The following ITPRID1 variants were observed in gnomAD, a reference collection of about 807,000 sequenced individuals.
The protein encoded by ITPRID1 is ITPR interacting domain containing 1, also known as protein ITPRID1.
A neutral mutation model predicts 95.4 loss-of-function variants in ITPRID1; 96 were observed. The observed-to-expected ratio is 1.01, with a 90% CI of 0.85 to 1.19. The LOEUF (loss-of-function observed/expected upper bound fraction) is 1.19, where lower values mean the gene tolerates loss of function less well. Among genes scored for constraint, ITPRID1 ranks in the 50% most tolerant of loss-of-function variants. The probability of loss-of-function intolerance (pLI) is 0.00; values close to 1 mark genes in which losing one functional copy is unlikely to be tolerated. For synonymous variants in ITPRID1, 510 were observed against 453.6 expected, an observed-to-expected ratio of 1.12 and a Z score of -1.58; for missense variants, 1,339 against 1,252.9, an observed-to-expected ratio of 1.07 and a Z score of -1.04.
Position 31,652,993 on chromosome 7 carries a change from T to C in ITPRID1, c.*164T>C, listed in dbSNP as rs1408348030. ...AACCCAAGAGGAGTTTAGAATACTCTAATACTCATTCAGTATAGAATAACT... is the reference window on the plus strand; with the variant it reads ...AACCCAAGAGGAGTTTAGAATACTCCAATACTCATTCAGTATAGAATAACT... On this transcript the variant is annotated 3_prime_UTR_variant, in exon 15 of 15. Coordinates refer to ENST00000615280, the MANE Select transcript of ITPRID1 (RefSeq NM_001257967.3). 1.4e-6 allele frequency: 2 copies of C among 1,433,082 alleles called. No homozygotes were observed. Among genetic ancestry groups the C allele is most frequent in the African/African-American group, 2.9e-5 (2 of 69,646 alleles). The allele number at this position is 1,433,082 out of a possible 1,614,324, so 88.8% of individuals were successfully genotyped here. A position where few individuals can be genotyped will look rare whatever the true frequency, so the allele number is the denominator to read the frequency against.
intron 6 of ITPRID1, among the ~76,000 whole-genome samples, chr7:31,570,955 C>T (rs1225139824): frequency 1.3e-5 from 2 of 152,084 alleles, no homozygotes; most frequent in Non-Finnish European, 2.9e-5. Context: ...AGAGTTTTTA[C>T]TATCCAGAAA....
intron 10 of ITPRID1, among the ~76,000 whole-genome samples, chr7:31,625,714 T>G (rs1788397817): frequency 6.6e-6 from 1 of 152,126 alleles, no homozygotes; most frequent in Non-Finnish European, 1.5e-5. Context: ...ATGTCACATG[T>G]ATACATATGT....
At chr7:31,636,502 G>C (rs2128202070) in intron 10 of ITPRID1, among the ~76,000 whole-genome samples, 1 of 152,194 alleles carries the variant, frequency 6.6e-6, no homozygotes, top group African/African-American at 2.4e-5. Flanking sequence ...AAAACATATA[G>C]AAAAAGCAAT....
At position 31,538,140 on chromosome 7, in the gene ITPRID1, T is replaced by C. The variant is rs28451768; in HGVS notation, c.-97-11286T>C. On this transcript the variant is annotated intron_variant, in intron 1 of 14. Transcript: ENST00000615280. ...CTTTGAAAAAATATTTGAAGTAAAATTATTGGACATAAGGCTATACAATAA... is the reference window on the plus strand; with the variant it reads ...CTTTGAAAAAATATTTGAAGTAAAACTATTGGACATAAGGCTATACAATAA... Among the ~76,000 whole-genome samples the C allele has an allele frequency of 3.7e-3, 571 of 152,308 alleles. 5 individuals carry two copies. The highest frequency in any genetic ancestry group is 0.013 in the African/African-American group (554 of 41,564).
At chr7:31,613,379 C>G (rs1786970066) in intron 10 of ITPRID1, among the ~76,000 whole-genome samples, 1 of 152,016 alleles carries the variant, frequency 6.6e-6, no homozygotes, top group African/African-American at 2.4e-5. Flanking sequence ...TGCCAGCGTT[C>G]TTGTTGTTTT....
chr7:31,559,730 T>C (rs1255275617), intron 5 of ITPRID1, among the ~76,000 whole-genome samples: 1 of 152,182 alleles, frequency 6.6e-6, no homozygotes, highest in East Asian at 1.9e-4. Flanking sequence ...TAGGCAGCAT[T>C]ACTAGTATTT....
At chr7:31,564,786 C>A (rs959270400) in intron 5 of ITPRID1, among the ~76,000 whole-genome samples, 7 of 152,102 alleles carry the variant, frequency 4.6e-5, no homozygotes, top group Non-Finnish European at 8.8e-5. Flanking sequence ...GGGATAGCGA[C>A]GGCAGAAAAT....
chr7:31,650,628 A>T (rs1790863077), intron 12 of ITPRID1, among the ~76,000 whole-genome samples: 1 of 152,140 alleles, frequency 6.6e-6, no homozygotes, highest in Non-Finnish European at 1.5e-5. Flanking sequence ...GATCCTGCAG[A>T]TTCCAACCTC....
intron 1 of ITPRID1, among the ~76,000 whole-genome samples, chr7:31,544,660 A>G (rs1454038399): frequency 6.6e-6 from 1 of 152,142 alleles, no homozygotes; most frequent in African/African-American, 2.4e-5. Context: ...ATAGTTTGTA[A>G]GAACTATTGC....
intron 10 of ITPRID1, among the ~76,000 whole-genome samples, chr7:31,586,760 G>A (rs1340247463): frequency 1.3e-5 from 2 of 151,746 alleles, no homozygotes; most frequent in Non-Finnish European, 2.9e-5. Flanking sequence ...AGATGAGTAG[G>A]TTGCGAAAAT....
At chr7:31,652,375 T>C in intron 14 of ITPRID1, 143 bp from the exon 15 acceptor site, 1 of 1,286,674 alleles carries the variant, frequency 7.8e-7, no homozygotes, top group Non-Finnish European at 1.0e-6. Flanking sequence ...ATAAGCTAAG[T>C]CACTATCAGA....
intron 9 of ITPRID1, among the ~76,000 whole-genome samples, chr7:31,580,869 T>G (rs1785377890): frequency 6.6e-6 from 1 of 152,200 alleles, no homozygotes; most frequent in East Asian, 1.9e-4. Context: ...TGTGAGAGAC[T>G]GTATGTGTAT....
At chr7:31,524,630 T>C (rs1440084403) in intron 1 of ITPRID1, among the ~76,000 whole-genome samples, 3 of 152,232 alleles carry the variant, frequency 2.0e-5, no homozygotes, top group Non-Finnish European at 4.4e-5. Context: ...AATGTACATT[T>C]TCCCCCATGG....
intron 1 of ITPRID1, among the ~76,000 whole-genome samples, chr7:31,540,402 T>G (rs1370621450): frequency 2.0e-5 from 3 of 152,192 alleles, no homozygotes; most frequent in Non-Finnish European, 4.4e-5. Context: ...ACAGCTTATT[T>G]TGGAAACTTG....
chr7:31,635,131 C>G (rs2128199841), intron 10 of ITPRID1, among the ~76,000 whole-genome samples: 1 of 152,242 alleles, frequency 6.6e-6, no homozygotes, highest in South Asian at 2.1e-4. Flanking sequence ...TTGTATTTGT[C>G]TGTTTGTTTA....
intron 10 of ITPRID1, among the ~76,000 whole-genome samples, chr7:31,600,691 T>A (rs1786357338): frequency 1.3e-5 from 2 of 152,128 alleles, no homozygotes; most frequent in African/African-American, 2.4e-5. Flanking sequence ...TGACCACAGG[T>A]GGTCTGTTTA....
At chr7:31,572,855 TG>T (rs1445383615) in intron 7 of ITPRID1, among the ~76,000 whole-genome samples, 1 of 152,236 alleles carries the variant, frequency 6.6e-6, no homozygotes, top group South Asian at 2.1e-4. Context: ...AAGCAGGAAC[TG>T]TGTTCATTTT....
intron 10 of ITPRID1, among the ~76,000 whole-genome samples, chr7:31,614,019 G>A (rs1238145634): frequency 6.6e-6 from 1 of 152,214 alleles, no homozygotes; most frequent in Non-Finnish European, 1.5e-5. Context: ...GAGGAGTAAA[G>A]TGACTTGCCA....
intron 10 of ITPRID1, among the ~76,000 whole-genome samples, chr7:31,585,988 C>A (rs186762499): frequency 2.2e-5 from 3 of 138,698 alleles, no homozygotes; most frequent in Non-Finnish European, 4.6e-5. Context: ...ATCCCTCCCC[C>A]CTCCCCCCAT....
Sources: allele counts gnomAD v4.1 joint callset (sites outside exome capture counted in the v4.1 genomes callset), GRCh38; gene constraint gnomAD v4.1.1; transcripts MANE v1.5; gene names NCBI Gene and HGNC (gene_info 2026-07-23, HGNC 2026-07-21).